Variants in PIK3C3 observed in about 807,000 individuals in gnomAD.
PIK3C3 encodes phosphatidylinositol 3-kinase catalytic subunit type 3, also known as PI3-kinase type 3.
In PIK3C3, 95 loss-of-function variants were observed where a neutral mutation model predicts 126.1. That is an observed-to-expected ratio of 0.75 (90% confidence interval 0.64 to 0.89). PIK3C3 has a LOEUF of 0.89. PIK3C3 is among the 40% of genes least tolerant of loss of function. The probability of loss-of-function intolerance (pLI) is 0.00; values close to 1 mark genes in which losing one functional copy is unlikely to be tolerated. For missense variants in PIK3C3, 829 were observed against 1,063.2 expected (o/e 0.78, Z 3.06); for synonymous variants, 374 against 360.0 (o/e 1.04, Z -0.44).
intron 24 of PIK3C3, among the ~76,000 whole-genome samples, chr18:42,072,035 CTG>C (rs1326967140): frequency 1.3e-5 from 2 of 152,050 alleles, no homozygotes; most frequent in African/African-American, 4.8e-5. Flanking sequence ...TAATTGATCT[CTG>C]GAGTTTATTT....
At chr18:41,979,916 A>G (rs1220001658) in intron 4 of PIK3C3, among the ~76,000 whole-genome samples, 1 of 124,230 alleles carries the variant, frequency 8.0e-6, no homozygotes, top group East Asian at 2.4e-4. Flanking sequence ...GCTATTCTGA[A>G]AAGGAAAATT....
intron 3 of PIK3C3, among the ~76,000 whole-genome samples, chr18:41,964,205 A>G (rs924430236): frequency 1.1e-4 from 17 of 152,158 alleles, no homozygotes; most frequent in Non-Finnish European, 1.5e-5. Context: ...TATTTGTCCC[A>G]ACACTGCTTA....
intron 4 of PIK3C3, among the ~76,000 whole-genome samples, chr18:41,978,213 C>T (rs1981026821): frequency 6.6e-6 from 1 of 152,172 alleles, no homozygotes; most frequent in African/African-American, 2.4e-5. Context: ...CCTCAGCCTC[C>T]CAAACTGCTG....
intron 15 of PIK3C3, 142 bp from the exon 16 acceptor site, chr18:42,033,684 C>T (rs1169224311): frequency 1.9e-6 from 1 of 522,412 alleles, no homozygotes; most frequent in Non-Finnish European, 3.3e-6. Context: ...TTGTCTCTCA[C>T]ATACAACACC....
Position 41,990,445 on chromosome 18 carries a change from AT to A in PIK3C3, c.619-4del, listed in dbSNP as rs750074973. On this transcript the variant is annotated splice_polypyrimidine_tract_variant and intron_variant, in intron 5 of 24. Transcript: ENST00000262039. Reference sequence around the variant, plus strand: ...AAAATAATCATTTTTCATGAAAATCATTTTTTTTTTCAGAGTGAAAAACGAA... The same window carrying A: ...AAAATAATCATTTTTCATGAAAATCATTTTTTTTTCAGAGTGAAAAACGAA... The A allele has an allele frequency of 1.4e-3, 1,858 of 1,317,382 alleles. 2 individuals are homozygous for A. The highest frequency in any genetic ancestry group is 1.6e-3 in the Non-Finnish European group (1,512 of 933,014). 81.6% of individuals were successfully genotyped at this position (1,317,382 alleles called of 1,614,324 possible).
chr18:42,019,537 T>C (rs759422592), intron 12 of PIK3C3, among the ~76,000 whole-genome samples: 4 of 152,188 alleles, frequency 2.6e-5, no homozygotes, highest in Non-Finnish European at 5.9e-5. Flanking sequence ...TAGGTGATAC[T>C]GTATATCTCT....
intron 23 of PIK3C3, among the ~76,000 whole-genome samples, chr18:42,065,521 TTAAAGA>T (rs1315888256): frequency 2.6e-5 from 4 of 152,222 alleles, no homozygotes; most frequent in Admixed American, 1.3e-4. Context: ...GTCAGTAAAC[TTAAAGA>T]TAAATCAATA....
At chr18:42,048,215 A>G (rs1244496118) in intron 20 of PIK3C3, among the ~76,000 whole-genome samples, 1 of 152,222 alleles carries the variant, frequency 6.6e-6, no homozygotes, top group Non-Finnish European at 1.5e-5. Flanking sequence ...AAAACTAGTT[A>G]TAAGAAATTG....
At chr18:42,014,857 A>C (rs1373029194) in intron 11 of PIK3C3, among the ~76,000 whole-genome samples, 2 of 152,136 alleles carry the variant, frequency 1.3e-5, no homozygotes, top group Non-Finnish European at 2.9e-5. Flanking sequence ...TTTCTTTCCC[A>C]GGTTACTTTA....
rs1183110076 is a variant in PIK3C3 at position 42,081,493 on chromosome 18, T to G, written c.*356T>G. On this transcript the variant is annotated 3_prime_UTR_variant, in exon 25 of 25. Transcript: ENST00000262039. ...AGTTTTTGAGTTTAAAATGTTATTT[T>G]TTCCTCTTATATCTTCATATCAGGA... 4.6e-6 allele frequency: 1 copy of G among 218,068 alleles called. No homozygotes were observed. The highest frequency in any genetic ancestry group is 9.1e-6 in the Non-Finnish European group (1 of 110,418). The allele number at this position is 218,068 out of a possible 1,614,324, so 13.5% of individuals were successfully genotyped here. A position where few individuals can be genotyped will look rare whatever the true frequency, so the allele number is the denominator to read the frequency against.
chr18:41,984,525 T>C (rs1981370335), intron 4 of PIK3C3, among the ~76,000 whole-genome samples: 1 of 152,162 alleles, frequency 6.6e-6, no homozygotes, highest in Admixed American at 6.5e-5. Flanking sequence ...GGCTTTATGG[T>C]TTGAAGAGCC....
At position 42,033,010 on chromosome 18, in the gene PIK3C3, G is replaced by A. The variant is rs551077274; in HGVS notation, c.1708-816G>A. ...CACAAAGCACTTCAACTTCCCAGTA[G>A]CATTGTAGTTGAAGTGTTTTATGCT... On this transcript the variant is annotated intron_variant, in intron 15 of 24. Coordinates refer to ENST00000262039, the MANE Select transcript of PIK3C3 (RefSeq NM_002647.4). 2.0e-3 allele frequency among the ~76,000 whole-genome samples: 312 copies of A among 152,230 alleles called. 5 individuals are homozygous for A. The highest frequency in any genetic ancestry group is 4.9e-4 in the Non-Finnish European group (33 of 68,024).
intron 4 of PIK3C3, among the ~76,000 whole-genome samples, chr18:41,979,358 G>T (rs1981085080): frequency 6.6e-6 from 1 of 152,116 alleles, no homozygotes; most frequent in Non-Finnish European, 1.5e-5. Context: ...GGGCTTTTTA[G>T]AGCTGCATTT....
intron 13 of PIK3C3, among the ~76,000 whole-genome samples, chr18:42,023,199 T>C (rs981988367): frequency 1.3e-5 from 2 of 152,240 alleles, no homozygotes; most frequent in Non-Finnish European, 1.5e-5. Flanking sequence ...GTAAGAGCTA[T>C]ATGTGTATAT....
At chr18:42,070,222 G>C (rs1301167308) in intron 24 of PIK3C3, among the ~76,000 whole-genome samples, 2 of 152,190 alleles carry the variant, frequency 1.3e-5, no homozygotes, top group African/African-American at 2.4e-5. Context: ...CCCAAGAGCA[G>C]CCCAGATTCA....
chr18:42,005,760 A>G (rs919619608), intron 10 of PIK3C3, among the ~76,000 whole-genome samples: 44 of 145,282 alleles, frequency 3.0e-4, no homozygotes, highest in African/African-American at 9.7e-4. Flanking sequence ...TTAAATATTT[A>G]TTAAAGTTGA....
At chr18:41,987,776 T>TAG in intron 4 of PIK3C3, 36 bp from the exon 5 acceptor site, 1 of 1,393,138 alleles carries the variant, frequency 7.2e-7, no homozygotes, top group Non-Finnish European at 1.0e-6. Flanking sequence ...CTACTAGATG[T>TAG]ATATTAAAAT....
At chr18:41,998,410 C>T (rs1413895448) in intron 9 of PIK3C3, among the ~76,000 whole-genome samples, 1 of 152,066 alleles carries the variant, frequency 6.6e-6, no homozygotes, top group East Asian at 1.9e-4. Flanking sequence ...CTTAAATACA[C>T]AGCTAGATAT....
intron 13 of PIK3C3, chr18:42,025,904 A>G (rs1598907650): frequency 6.6e-6 from 1 of 152,340 alleles, no homozygotes; most frequent in Non-Finnish European, 1.5e-5. Context: ...TGAGCTAGAC[A>G]TGGACGTGCT....
Sources: gnomAD v4.1 joint callset for allele counts (sites outside exome capture counted in the v4.1 genomes callset) on GRCh38, gnomAD v4.1.1 for gene constraint, MANE v1.5 for transcripts, NCBI Gene and HGNC (gene_info 2026-07-23, HGNC 2026-07-21) for gene names.